Variants in DAB1 observed in about 807,000 individuals in gnomAD.
DAB1 encodes disabled homolog 1.
In DAB1, 15 loss-of-function variants were observed where a neutral mutation model predicts 64.6. The ratio of observed to expected loss-of-function variants is 0.23; its 90% CI spans 0.16 to 0.36. The LOEUF (loss-of-function observed/expected upper bound fraction) is 0.36. DAB1 is among the 10% of genes least tolerant of loss of function. DAB1 has a pLI of 1.00. For synonymous variants in DAB1, 235 were observed against 251.9 expected, an observed-to-expected ratio of 0.93 and a Z score of 0.64; for missense variants, 596 against 706.7, an observed-to-expected ratio of 0.84 and a Z score of 1.78.
chr1:58,504,325 C>A (rs6679808), intron 3 of DAB1, among the ~76,000 whole-genome samples: 1 of 152,030 alleles, frequency 6.6e-6, no homozygotes, highest in Admixed American at 6.6e-5. Context: ...ATCAAACATA[C>A]GCTGACTTTA....
chr1:57,059,173 T>C (rs907423071), intron 9 of DAB1, among the ~76,000 whole-genome samples: 8 of 152,052 alleles, frequency 5.3e-5, no homozygotes, highest in Non-Finnish European at 1.2e-4. Context: ...CTGTTAAGGG[T>C]TTTGTATAAG....
chr1:58,369,440 A>G (rs1161249198), intron 3 of DAB1, among the ~76,000 whole-genome samples: 1 of 152,158 alleles, frequency 6.6e-6, no homozygotes, highest in Non-Finnish European at 1.5e-5. Context: ...AGTTTAACAG[A>G]CTGTACTTTT....
intron 7 of DAB1, among the ~76,000 whole-genome samples, chr1:57,435,772 C>A (rs1373738113): frequency 6.6e-6 from 1 of 151,916 alleles, no homozygotes; most frequent in Non-Finnish European, 1.5e-5. Flanking sequence ...TTAAAGGTAA[C>A]TTTTTTATAT....
At chr1:58,108,597 A>G (rs1368726686) in intron 5 of DAB1, among the ~76,000 whole-genome samples, 1 of 152,196 alleles carries the variant, frequency 6.6e-6, no homozygotes, top group Non-Finnish European at 1.5e-5. Flanking sequence ...ATCTTCAGAG[A>G]TGGTGCCCGG....
chr1:58,298,459 CAA>C lies in DAB1; in HGVS notation n.309+44891_309+44892del, dbSNP rs1662041968. Among the ~76,000 whole-genome samples the C allele has an allele frequency of 2.6e-5, 4 of 152,298 alleles. No homozygotes were observed. In the South Asian group the frequency reaches 8.3e-4, roughly 32 times the overall value. ...GAATAGGAATGAGATGGGGTATAAA[CAA>C]ATTATCAACACTATACTCTTTATTG... is the stretch of plus-strand genomic sequence containing the variant. On this transcript the variant is annotated intron_variant and non_coding_transcript_variant, in intron 4 of 20. Coordinates refer to the DAB1 transcript ENST00000485760.
intron 1 of DAB1, among the ~76,000 whole-genome samples, chr1:57,387,930 T>G (rs1682021965): frequency 6.6e-6 from 1 of 151,748 alleles, no homozygotes; most frequent in African/African-American, 2.4e-5. Context: ...TGTCTTCAAC[T>G]ACACCCACCT....
intron 5 of DAB1, among the ~76,000 whole-genome samples, chr1:58,014,901 G>A (rs1163424557): frequency 6.6e-6 from 1 of 152,200 alleles, no homozygotes; most frequent in Non-Finnish European, 1.5e-5. Flanking sequence ...AGGGTACAAA[G>A]AAGGGGGAAA....
At chr1:57,037,447 G>T (rs922054066) in intron 9 of DAB1, among the ~76,000 whole-genome samples, 5 of 152,188 alleles carry the variant, frequency 3.3e-5, no homozygotes, top group African/African-American at 4.8e-5. Flanking sequence ...ACCACACAAG[G>T]CTTCTAGATC....
intron 3 of DAB1, among the ~76,000 whole-genome samples, chr1:58,441,971 G>C (rs1235902300): frequency 6.6e-6 from 1 of 152,112 alleles, no homozygotes; most frequent in Non-Finnish European, 1.5e-5. Context: ...GGGATGGTTG[G>C]GAGGCCTCTC....
intron 4 of DAB1, among the ~76,000 whole-genome samples, chr1:57,073,783 T>C (rs1481627363): frequency 6.6e-6 from 1 of 152,138 alleles, no homozygotes; most frequent in Admixed American, 6.5e-5. Context: ...CCCATGCAAT[T>C]TTCAAAATCT....
rs1646752213 is a variant in DAB1 at position 58,017,161 on chromosome 1, T to C, written n.388-132999A>G. On this transcript the variant is annotated intron_variant and non_coding_transcript_variant, in intron 5 of 20. Coordinates refer to the DAB1 transcript ENST00000485760. Reference sequence around the variant, plus strand: ...TCATCCTTGCATGGGGTTGGCTTTCTGGACCACGTTGTCACTTTGGGAATA... The same window carrying C: ...TCATCCTTGCATGGGGTTGGCTTTCCGGACCACGTTGTCACTTTGGGAATA... 3.3e-5 allele frequency among the ~76,000 whole-genome samples: 5 copies of C among 152,166 alleles called. No individual in the cohort carries two copies. In the South Asian group the frequency reaches 8.3e-4, roughly 25 times the overall value.
At chr1:57,041,039 A>C (rs1647712619) in intron 9 of DAB1, among the ~76,000 whole-genome samples, 1 of 152,220 alleles carries the variant, frequency 6.6e-6, no homozygotes, top group African/African-American at 2.4e-5. Flanking sequence ...ATCAAGCAAG[A>C]GTAGCACAGG....
chr1:57,634,124 A>G (rs1255835036), intron 7 of DAB1, among the ~76,000 whole-genome samples: 1 of 152,228 alleles, frequency 6.6e-6, no homozygotes, highest in Non-Finnish European at 1.5e-5. Context: ...TAAAGAAGAC[A>G]GCTAGCATTT....
intron 6 of DAB1, among the ~76,000 whole-genome samples, chr1:57,768,626 T>C (rs1342580432): frequency 6.6e-6 from 1 of 150,880 alleles, no homozygotes; most frequent in Non-Finnish European, 1.5e-5. Context: ...ATATTCAATA[T>C]ATAGTGAGTT....
rs75735201 is a variant in DAB1, at chr1:57,004,742, G to A, written c.*15+5938C>T. ...GGGAAAAAGGCTAAAATAACTCAAA[G>A]TTCTATCTGAATCCATGTGGAGGGT... On this transcript the variant is annotated intron_variant, in intron 14 of 14. Transcript: ENST00000371236. Among the ~76,000 whole-genome samples, 127 of 152,280 alleles carry A rather than the reference G, an allele frequency of 8.3e-4. 4 individuals are homozygous for A. In the East Asian group the frequency reaches 0.023, roughly 27 times the overall value.
At chr1:57,248,185 T>C (rs559545980) in intron 2 of DAB1, among the ~76,000 whole-genome samples, 13 of 152,244 alleles carry the variant, frequency 8.5e-5, no homozygotes, top group Non-Finnish European at 1.6e-4. Context: ...ATAAATTCTA[T>C]GTAAATAGTG....
intron 2 of DAB1, among the ~76,000 whole-genome samples, chr1:57,249,291 C>T (rs1027926765): frequency 1.2e-4 from 18 of 152,178 alleles, no homozygotes; most frequent in African/African-American, 4.8e-5. Flanking sequence ...AGGCCTTATT[C>T]TAGAAGCTGG....
chr1:58,307,597 G>T (rs1662335541), intron 4 of DAB1, among the ~76,000 whole-genome samples: 1 of 152,136 alleles, frequency 6.6e-6, no homozygotes, highest in South Asian at 2.1e-4. Flanking sequence ...GATTACACTG[G>T]TGAATCATCC....
chr1:57,888,421 C>T (rs932892448), upstream of DAB1, among the ~76,000 whole-genome samples: 5 of 152,158 alleles, frequency 3.3e-5, no homozygotes, highest in African/African-American at 1.2e-4. Context: ...TCCCAGGGCA[C>T]CTTCCATTGT....
Sources: gnomAD v4.1 joint callset for allele counts (sites outside exome capture counted in the v4.1 genomes callset) on GRCh38, gnomAD v4.1.1 for gene constraint, MANE v1.5 for transcripts, NCBI Gene and HGNC (gene_info 2026-07-23, HGNC 2026-07-21) for gene names.